CNTNAP3B: variants seen among roughly 807,000 people sequenced by gnomAD.
CNTNAP3B encodes contactin associated protein family member 3B, also known as contactin-associated protein-like 3B.
CNTNAP3B carries 25 observed loss-of-function variants against 108.9 expected under a neutral mutation model. The observed-to-expected ratio is 0.23, with a 90% confidence interval of 0.17 to 0.32. The LOEUF is 0.32. Among genes scored for constraint, CNTNAP3B ranks in the 10% least tolerant of loss-of-function variants. The pLI, the probability that CNTNAP3B is intolerant of heterozygous loss-of-function variation, is 1.00. For synonymous variants in CNTNAP3B, 103 were observed against 473.4 expected, an observed-to-expected ratio of 0.22 and a Z score of 10.16; for missense variants, 252 against 1,210.4, an observed-to-expected ratio of 0.21 and a Z score of 11.75.
chr9:42,063,825 G>A (rs1484076117), intron 3 of CNTNAP3B, among the ~76,000 whole-genome samples: 6 of 149,022 alleles, frequency 4.0e-5, no homozygotes, highest in African/African-American at 1.3e-4. Flanking sequence ...GGGCTCAAGC[G>A]ACTCTCCCAC....
At chr9:41,999,568 C>A (rs533842825) in intron 4 of CNTNAP3B, among the ~76,000 whole-genome samples, 1 of 125,050 alleles carries the variant, frequency 8.0e-6, no homozygotes. Context: ...CACACACACA[C>A]AGGCACACAG....
At chr9:41,919,800 C>T (rs1359569863) in intron 18 of CNTNAP3B, among the ~76,000 whole-genome samples, 6 of 152,308 alleles carry the variant, frequency 3.9e-5, no homozygotes, top group African/African-American at 1.4e-4. Context: ...GTTTTGAAAA[C>T]CAAATTATTT....
intron 10 of CNTNAP3B, among the ~76,000 whole-genome samples, chr9:41,966,194 C>G (rs1259139491): frequency 1.3e-5 from 2 of 152,284 alleles, no homozygotes; most frequent in Non-Finnish European, 2.9e-5. Context: ...TTCTCCCCCT[C>G]CTCCCCTTCC....
At chr9:41,954,618 T>C (rs1207552092) in intron 12 of CNTNAP3B, among the ~76,000 whole-genome samples, 1 of 152,290 alleles carries the variant, frequency 6.6e-6, no homozygotes, top group East Asian at 1.9e-4. Flanking sequence ...AGTGTGCCTA[T>C]GGTAATTTCA....
At chr9:42,020,359 A>C (rs1357164680) in intron 3 of CNTNAP3B, among the ~76,000 whole-genome samples, 1 of 151,936 alleles carries the variant, frequency 6.6e-6, no homozygotes, top group Non-Finnish European at 1.5e-5. Flanking sequence ...TGATCACATT[A>C]GTTAAATGTT....
intron 18 of CNTNAP3B, among the ~76,000 whole-genome samples, chr9:41,912,754 T>C: frequency 1.1e-5 from 1 of 88,032 alleles, no homozygotes; most frequent in East Asian, 4.7e-4. Flanking sequence ...TTAAATGTGT[T>C]GAGGCTTGAT....
intron 11 of CNTNAP3B, among the ~76,000 whole-genome samples, chr9:41,964,326 T>C (rs1432205074): frequency 6.6e-6 from 1 of 152,224 alleles, no homozygotes; most frequent in African/African-American, 2.4e-5. Context: ...AGTTTCTTTT[T>C]TTCAATCCTA....
In CNTNAP3B at chr9:42,026,831, T is replaced by C. The variant is rs1826420217; in HGVS notation, c.391-13306A>G. 1.5e-5 allele frequency among the ~76,000 whole-genome samples: 2 copies of C among 136,324 alleles called. 1 individual carries two copies. The allele number at this position is 136,324 out of a possible 152,430, so 89.4% of individuals were successfully genotyped here. On this transcript the variant is annotated intron_variant, in intron 3 of 23. Coordinates refer to ENST00000377561, the MANE Select transcript of CNTNAP3B (RefSeq NM_001201380.3). ...CCAAATTTGTAGTAAGGTTTTGAAATTTTCCCCAGGAACCCAATCCTGCTG... is the reference window on the plus strand; with the variant it reads ...CCAAATTTGTAGTAAGGTTTTGAAACTTTCCCCAGGAACCCAATCCTGCTG...
Position 42,056,326 on chromosome 9 carries a change from TTTATTATTA to T in CNTNAP3B, c.390+20534_390+20542del, listed in dbSNP as rs199830117. 9.4e-3 allele frequency among the ~76,000 whole-genome samples: 1,210 copies of T among 129,026 alleles called. 33 individuals are homozygous for T. Among genetic ancestry groups the T allele is most frequent in the African/African-American group, 0.027 (905 of 33,082 alleles). 84.6% of individuals were successfully genotyped at this position (129,026 alleles called of 152,430 possible). On this transcript the variant is annotated intron_variant, in intron 3 of 23. Transcript: ENST00000377561. ...CAAGGTTGAATATTATCTCATGAAT[TTTATTATTA>T]TTATTATTATTATTATTATTATTAT...
intron 10 of CNTNAP3B, among the ~76,000 whole-genome samples, chr9:41,968,273 TCA>T (rs1275564907): frequency 1.4e-5 from 2 of 144,838 alleles, no homozygotes; most frequent in Non-Finnish European, 3.0e-5. Flanking sequence ...CTGTTGTCAC[TCA>T]CAGTGTGGGC....
intron 14 of CNTNAP3B, among the ~76,000 whole-genome samples, chr9:41,934,170 T>C (rs1386434478): frequency 1.6e-4 from 20 of 128,048 alleles, no homozygotes; most frequent in Admixed American, 1.2e-3. Flanking sequence ...CACACACACA[T>C]ATATATACAC....
chr9:42,003,290 C>A (rs1187252208), intron 4 of CNTNAP3B, among the ~76,000 whole-genome samples: 1 of 109,608 alleles, frequency 9.1e-6, no homozygotes, highest in Non-Finnish European at 1.9e-5. Flanking sequence ...ATGTCTCATC[C>A]CCATCCTACC....
chr9:42,020,622 G>T, intron 3 of CNTNAP3B, among the ~76,000 whole-genome samples: 1 of 148,852 alleles, frequency 6.7e-6, no homozygotes, highest in Non-Finnish European at 1.5e-5. Flanking sequence ...ATTCTTCAAG[G>T]AGAATAAATG....
At chr9:41,959,557 A>C (rs1441480660) in intron 12 of CNTNAP3B, among the ~76,000 whole-genome samples, 1 of 152,304 alleles carries the variant, frequency 6.6e-6, no homozygotes, top group South Asian at 2.1e-4. Flanking sequence ...ATCCACCAAG[A>C]CCATTTTTAT....
At chr9:41,926,837 A>T (rs1282369999) in intron 15 of CNTNAP3B, 2 of 152,454 alleles carry the variant, frequency 1.3e-5, no homozygotes, top group African/African-American at 4.8e-5. Flanking sequence ...TCACAAATAC[A>T]GCCACATTTG....
intron 14 of CNTNAP3B, among the ~76,000 whole-genome samples, chr9:41,933,973 G>A (rs1311996426): frequency 2.1e-5 from 3 of 140,118 alleles, no homozygotes; most frequent in Admixed American, 1.4e-4. Context: ...ACGATATATG[G>A]CTGCTATATC....
intron 1 of CNTNAP3B, among the ~76,000 whole-genome samples, chr9:42,120,003 C>G (rs1156903296): frequency 6.8e-6 from 1 of 147,016 alleles, no homozygotes; most frequent in African/African-American, 2.6e-5. Context: ...AGAGCTTCTA[C>G]AGAGCAAAAG....
chr9:41,934,911 C>G (rs1448258148), intron 14 of CNTNAP3B, among the ~76,000 whole-genome samples: 1 of 152,282 alleles, frequency 6.6e-6, no homozygotes, highest in Non-Finnish European at 1.5e-5. Context: ...TTTAAAGACT[C>G]TAAGATAATC....
intron 14 of CNTNAP3B, among the ~76,000 whole-genome samples, chr9:41,934,998 C>T (rs1217577000): frequency 2.6e-5 from 4 of 152,140 alleles, no homozygotes; most frequent in Admixed American, 2.6e-4. Context: ...AGCAAAACAA[C>T]TTGTGGATTT....
Sources: allele counts gnomAD v4.1 joint callset (sites outside exome capture counted in the v4.1 genomes callset), GRCh38; gene constraint gnomAD v4.1.1; transcripts MANE v1.5; gene names NCBI Gene and HGNC (gene_info 2026-07-23, HGNC 2026-07-21).